ZFHX3: variants seen among roughly 807,000 people sequenced by gnomAD.
The protein encoded by ZFHX3 is zinc finger homeobox 3.
Under a neutral mutation model 279.1 loss-of-function variants are expected in ZFHX3, and 42 were observed. The ratio of observed to expected loss-of-function variants is 0.15; its 90% CI spans 0.12 to 0.19. The LOEUF is 0.19. Ranked by LOEUF, ZFHX3 falls within the 10% of genes least tolerant of loss-of-function variation. The pLI, the probability that ZFHX3 is intolerant of heterozygous loss-of-function variation, is 1.00. For missense variants in ZFHX3, 4,981 were observed against 4,754.0 expected, an observed-to-expected ratio of 1.05 and a Z score of -1.40; for synonymous variants, 2,293 against 1,957.8, an observed-to-expected ratio of 1.17 and a Z score of -4.52.
intron 1 of ZFHX3, among the ~76,000 whole-genome samples, chr16:73,721,390 G>A (rs1010652122): frequency 3.9e-5 from 6 of 152,154 alleles, no homozygotes; most frequent in Admixed American, 1.3e-4. Context: ...CCAAAGTGCT[G>A]GGATTACAGG....
chr16:73,012,672 GAA>G (rs765775468), intron 1 of ZFHX3, among the ~76,000 whole-genome samples: 7 of 152,162 alleles, frequency 4.6e-5, no homozygotes, highest in Non-Finnish European at 7.4e-5. Flanking sequence ...GAAGAGGAGA[GAA>G]AAGGAAAATA....
intron 4 of ZFHX3, among the ~76,000 whole-genome samples, chr16:72,837,065 C>A (rs1036737936): frequency 1.3e-5 from 2 of 152,224 alleles, no homozygotes; most frequent in Admixed American, 1.3e-4. Flanking sequence ...CGCACTCCTG[C>A]GGGCCTCTAG....
At chr16:73,254,958 T>G (rs1019408998) in intron 5 of ZFHX3, among the ~76,000 whole-genome samples, 1 of 148,460 alleles carries the variant, frequency 6.7e-6, no homozygotes, top group African/African-American at 2.6e-5. Context: ...CACCCATCCA[T>G]CCATGTTTGC....
At chr16:73,864,202 A>G (rs1289667136) in intron 1 of ZFHX3, among the ~76,000 whole-genome samples, 1 of 152,210 alleles carries the variant, frequency 6.6e-6, no homozygotes, top group Non-Finnish European at 1.5e-5. Flanking sequence ...ACACAGCACA[A>G]GGGTCTTCTT....
At chr16:73,471,187 A>C (rs2143602825) in intron 2 of ZFHX3, among the ~76,000 whole-genome samples, 1 of 152,302 alleles carries the variant, frequency 6.6e-6, no homozygotes, top group African/African-American at 2.4e-5. Flanking sequence ...AGGAATCTTG[A>C]TTGCTCTTAG....
chr16:73,348,909 C>T (rs1274489846), intron 3 of ZFHX3, among the ~76,000 whole-genome samples: 4 of 152,122 alleles, frequency 2.6e-5, no homozygotes, highest in Non-Finnish European at 4.4e-5. Flanking sequence ...CATTTCAGTA[C>T]CTTGGTTCGG....
chr16:73,634,433 A>AATATATATATATATATATATATATATAT (rs60477881), intron 2 of ZFHX3, among the ~76,000 whole-genome samples: 29 of 59,886 alleles, frequency 4.8e-4, no homozygotes, highest in African/African-American at 1.1e-3. Flanking sequence ...TATTATGTAT[A>AATATATATATATATATATATATATATAT]ATATATATAT....
rs190185201 is a variant in ZFHX3, at chr16:72,998,426, A to G, written c.-49-38232T>C. On this transcript the variant is annotated intron_variant, in intron 1 of 9. Coordinates refer to ENST00000268489, the MANE Select transcript of ZFHX3 (RefSeq NM_006885.4). ...AAAAAATAATAATACTAATAAGGGG[A>G]AAAAAGAAACAGGTGAAATTCATTG... 1.2e-4 allele frequency among the ~76,000 whole-genome samples: 19 copies of G among 152,262 alleles called. 1 individual carries two copies. The Middle Eastern group carries it at 0.017, about 136-fold the overall frequency.
intron 1 of ZFHX3, among the ~76,000 whole-genome samples, chr16:73,697,025 T>C (rs981728939): frequency 2.0e-5 from 3 of 152,136 alleles, no homozygotes; most frequent in African/African-American, 7.2e-5. Flanking sequence ...GGGGAAAATG[T>C]AGAAAAAAGA....
At chr16:73,538,226 A>T (rs186842175) in intron 2 of ZFHX3, among the ~76,000 whole-genome samples, 11 of 152,246 alleles carry the variant, frequency 7.2e-5, no homozygotes, top group Non-Finnish European at 1.5e-4. Context: ...AGCCTAAAAT[A>T]AAAAAATGGA....
At chr16:73,853,640 A>G (rs960281920) in intron 1 of ZFHX3, among the ~76,000 whole-genome samples, 1 of 152,214 alleles carries the variant, frequency 6.6e-6, no homozygotes, top group African/African-American at 2.4e-5. Flanking sequence ...GGTACAATGA[A>G]CATAAAGATG....
chr16:73,301,320 G>A (rs2015051289), intron 4 of ZFHX3, among the ~76,000 whole-genome samples: 1 of 152,214 alleles, frequency 6.6e-6, no homozygotes, highest in South Asian at 2.1e-4. Context: ...AGGTAAAAGT[G>A]TGGAGCAAAT....
At chr16:73,562,787 T>G (rs1390545665) in intron 2 of ZFHX3, among the ~76,000 whole-genome samples, 2 of 152,074 alleles carry the variant, frequency 1.3e-5, no homozygotes, top group Non-Finnish European at 2.9e-5. Flanking sequence ...GTCCCCATGT[T>G]TTTAAAAGCC....
intron 4 of ZFHX3, among the ~76,000 whole-genome samples, chr16:73,309,961 T>C (rs901851141): frequency 1.5e-5 from 2 of 132,416 alleles, no homozygotes; most frequent in Non-Finnish European, 3.1e-5. Context: ...CAGGATGGAG[T>C]GCAATGGAGC....
chr16:73,524,077 T>A (rs1235370612), intron 2 of ZFHX3, among the ~76,000 whole-genome samples: 1 of 152,168 alleles, frequency 6.6e-6, no homozygotes, highest in Non-Finnish European at 1.5e-5. Flanking sequence ...GGCATGAATG[T>A]TCGCATAAGG....
At chr16:73,023,786 G>A (rs1187053504) in intron 1 of ZFHX3, among the ~76,000 whole-genome samples, 4 of 152,156 alleles carry the variant, frequency 2.6e-5, no homozygotes, top group Non-Finnish European at 4.4e-5. Context: ...CTAGAGTAAC[G>A]AAGAGAAAGG....
At chr16:73,639,711 A>C (rs1412594661) in intron 2 of ZFHX3, among the ~76,000 whole-genome samples, 1 of 151,450 alleles carries the variant, frequency 6.6e-6, no homozygotes, top group East Asian at 1.9e-4. Context: ...ACATGTGTTT[A>C]TCTCTTCTTC....
chr16:73,212,223 G>A (rs1246821070), intron 5 of ZFHX3, among the ~76,000 whole-genome samples: 6 of 150,764 alleles, frequency 4.0e-5, no homozygotes, highest in Admixed American at 2.0e-4. Context: ...ATAAACTTTG[G>A]TGACAACTTA....
intron 2 of ZFHX3, among the ~76,000 whole-genome samples, chr16:73,543,129 G>C (rs1202095624): frequency 6.6e-6 from 1 of 152,230 alleles, no homozygotes; most frequent in African/African-American, 2.4e-5. Context: ...GGCTCTAACA[G>C]AGCGCACACA....
Sources: allele counts gnomAD v4.1 joint callset (sites outside exome capture counted in the v4.1 genomes callset), GRCh38; gene constraint gnomAD v4.1.1; transcripts MANE v1.5; gene names NCBI Gene and HGNC (gene_info 2026-07-23, HGNC 2026-07-21).